Variants in GOLM1 observed in about 807,000 individuals in gnomAD.
GOLM1 encodes the protein golgi membrane protein 1.
GOLM1 carries 31 observed loss-of-function variants against 50.5 expected under a neutral mutation model. That is an observed-to-expected ratio of 0.61 (90% CI 0.46 to 0.83). The LOEUF is 0.83. GOLM1 is among the 40% of genes least tolerant of loss of function. The probability of loss-of-function intolerance (pLI) is 0.00; values close to 1 mark genes in which losing one functional copy is unlikely to be tolerated. For missense variants in GOLM1, 491 were observed against 501.3 expected (o/e 0.98, Z 0.20); for synonymous variants, 178 against 192.8 (o/e 0.92, Z 0.64).
At chr9:86,028,044 C>T in intron 9 of GOLM1, 151 bp from the exon 10 acceptor site, 1 of 593,340 alleles carries the variant, frequency 1.7e-6, no homozygotes, top group Non-Finnish European at 3.0e-6. Flanking sequence ...TATTCCTCAT[C>T]AAGGACAAGA....
intron 6 of GOLM1, among the ~76,000 whole-genome samples, chr9:86,039,157 A>G (rs941452429): frequency 6.6e-6 from 1 of 152,262 alleles, no homozygotes; most frequent in African/African-American, 2.4e-5. Context: ...CATTTCTTCA[A>G]AGAAGATATA....
chr9:86,073,080 TGAA>T (rs961024696), intron 3 of GOLM1, among the ~76,000 whole-genome samples: 51 of 152,292 alleles, frequency 3.3e-4, no homozygotes, highest in African/African-American at 1.2e-3. Flanking sequence ...ATCACTTCAC[TGAA>T]GAAGGGTAAA....
chr9:86,036,522 C>T lies in GOLM1; in HGVS notation c.598-15G>A, dbSNP rs1356284128. Reference sequence around the variant, plus strand: ...AGGGCTTGGAGCTGAAACAGAAGCACAGGACAGCCAGCCAGGGCAGGGCTC... The same window carrying T: ...AGGGCTTGGAGCTGAAACAGAAGCATAGGACAGCCAGCCAGGGCAGGGCTC... On this transcript the variant is annotated splice_polypyrimidine_tract_variant and intron_variant, in intron 6 of 9. Transcript: ENST00000388712. 6.2e-7 allele frequency: 1 copy of T among 1,612,560 alleles called. No homozygotes were observed. The highest frequency in any genetic ancestry group is 1.7e-5 in the Admixed American group (1 of 59,800).
chr9:86,040,267 T>C (rs1404736862), intron 6 of GOLM1, among the ~76,000 whole-genome samples: 1 of 152,206 alleles, frequency 6.6e-6, no homozygotes, highest in African/African-American at 2.4e-5. Context: ...AAAGCTGCTA[T>C]ATTTTTAAAA....
intron 1 of GOLM1, chr9:86,079,611 G>C (rs117425965): frequency 3.2e-6 from 1 of 307,838 alleles, no homozygotes. Context: ...AGATTAGCTC[G>C]AGACCTGGGG....
chr9:86,090,759 C>T (rs1477549180), intron 1 of GOLM1, among the ~76,000 whole-genome samples: 11 of 134,924 alleles, frequency 8.2e-5, no homozygotes, highest in African/African-American at 3.0e-4. Context: ...TTCTGTCTCG[C>T]TGGCGTTCCA....
At position 86,052,644 on chromosome 9, in the gene GOLM1, C is replaced by G. The variant is rs555962459; in HGVS notation, c.310-53G>C. ...CACCCAAACCAACACCTCAGCCTGA[C>G]AGCCAGATGTGATACAAACCAATGA... On this transcript the variant is annotated intron_variant, in intron 3 of 9. Transcript: ENST00000388712. 144 of 1,489,748 alleles carry G rather than the reference C, an allele frequency of 9.7e-5. 1 individual carries two copies. The East Asian group carries it at 1.8e-3, about 19-fold the overall frequency. The allele number at this position is 1,489,748 out of a possible 1,614,324, so 92.3% of individuals were successfully genotyped here. A position where few individuals can be genotyped will look rare whatever the true frequency, so the allele number is the denominator to read the frequency against.
chr9:86,029,395 T>A (rs1832899474), intron 9 of GOLM1, among the ~76,000 whole-genome samples: 1 of 152,194 alleles, frequency 6.6e-6, no homozygotes. Flanking sequence ...CTGAGAGCTG[T>A]CTGCAGCTTC....
chr9:86,036,333 C>T lies in GOLM1; in HGVS notation c.757+15G>A. On this transcript the variant is annotated intron_variant, in intron 7 of 9. Transcript: ENST00000388712. The stretch of plus-strand genomic sequence containing the variant: ...TGGAGAGCTGGGAACAGGGCAACTG[C>T]TGGGCTCTGCTTACCTTTCTCAACT... The T allele has an allele frequency of 1.2e-6, 2 of 1,614,048 alleles. No individual in the cohort carries two copies. Among genetic ancestry groups the T allele is most frequent in the Non-Finnish European group, 1.7e-6 (2 of 1,179,886 alleles).
In GOLM1 at chr9:86,032,773, C is replaced by T. The variant is rs1175162365; in HGVS notation, c.1129+509G>A. Among the ~76,000 whole-genome samples, 7 of 152,186 alleles carry T rather than the reference C, an allele frequency of 4.6e-5. No homozygotes were observed. In the South Asian group the frequency reaches 1.4e-3, roughly 32 times the overall value. On this transcript the variant is annotated intron_variant, in intron 9 of 9. Transcript: ENST00000388712. The stretch of plus-strand genomic sequence containing the variant: ...TGTAGGACCACCTGCTGTTATGCCT[C>T]CTGGGGAGAAGCAAGAATTCATCAG...
At chr9:86,079,085 C>A (rs1257523847) in intron 2 of GOLM1, 107 bp downstream of exon 2, 2 of 1,059,502 alleles carry the variant, frequency 1.9e-6, no homozygotes, top group East Asian at 2.6e-5. Context: ...GTGCCCTGCA[C>A]AAAACGCCCT....
rs188741318 is a variant in GOLM1, at chr9:86,037,778, C to A, written c.598-1271G>T. ...GGACAGGCTTGGGCAGACATCACCACGGGAACTGGTGTCAGGGTGGGAGAG... is the reference window on the plus strand; with the variant it reads ...GGACAGGCTTGGGCAGACATCACCAAGGGAACTGGTGTCAGGGTGGGAGAG... On this transcript the variant is annotated intron_variant, in intron 6 of 9. Transcript: ENST00000388712. 1.7e-3 allele frequency among the ~76,000 whole-genome samples: 255 copies of A among 152,270 alleles called. 1 individual carries two copies. The highest frequency in any genetic ancestry group is 4.0e-3 in the African/African-American group (165 of 41,544).
rs142507613 is a variant in GOLM1 at position 86,035,146 on chromosome 9, A to G, written c.1015+222T>C. ...GCAAGGTCCCCTCGACTCCCTGCCA[A>G]TATTGCATCTAAAACCTCGAGTTCT... On this transcript the variant is annotated intron_variant, in intron 8 of 9. Coordinates refer to ENST00000388712, the MANE Select transcript of GOLM1 (RefSeq NM_016548.4). 1.1e-3 allele frequency: 1,104 copies of G among 985,426 alleles called. 8 individuals carry two copies. In the African/African-American group the frequency reaches 0.018, roughly 16 times the overall value. The allele number at this position is 985,426 out of a possible 1,614,324, so 61.0% of individuals were successfully genotyped here.
intron 5 of GOLM1, among the ~76,000 whole-genome samples, chr9:86,044,228 C>A (rs368912662): frequency 6.6e-6 from 1 of 152,332 alleles, no homozygotes; most frequent in Non-Finnish European, 1.5e-5. Context: ...ACTGCCCCCA[C>A]GTGAGAACCA....
At chr9:86,031,133 C>T (rs2118613382) in intron 9 of GOLM1, among the ~76,000 whole-genome samples, 1 of 152,110 alleles carries the variant, frequency 6.6e-6, no homozygotes, top group Non-Finnish European at 1.5e-5. Flanking sequence ...TCGCTTGAAC[C>T]CGGGAGGCAG....
At position 86,042,903 on chromosome 9, in the gene GOLM1, T is replaced by C. The variant is rs374501481; in HGVS notation, c.468-2035A>G. On this transcript the variant is annotated intron_variant, in intron 5 of 9. Coordinates refer to ENST00000388712, the MANE Select transcript of GOLM1 (RefSeq NM_016548.4). The stretch of plus-strand genomic sequence containing the variant: ...GTCATGCAGATTGTGACAGTGTTTC[T>C]TCCTGAGGACTTAGGTTGGCTTTTT... Among the ~76,000 whole-genome samples, 187 of 152,352 alleles carry C rather than the reference T, an allele frequency of 1.2e-3. 4 individuals carry two copies. In the South Asian group the frequency reaches 0.033, roughly 26 times the overall value.
rs1386975142 is a variant in GOLM1, at chr9:86,033,365, T to C, written c.1046A>G (p.Asp349Gly). ...TTCATTTTCATCCATGTTGTAGTCA[T>C]CTTCTCCTCTCAGTTTCTGCTGGTT... is the stretch of plus-strand genomic sequence containing the variant. ...GRNQQKLRGE[D>G]DYNMDENEAE... is the part of the protein sequence containing the mutation. Residue 349 changes from aspartate (D) to glycine (G), a missense_variant, in exon 9 of 10, where the codon GAT becomes GGT. Transcript: ENST00000388712. 1.9e-6 allele frequency: 3 copies of C among 1,611,794 alleles called. No homozygotes were observed. Among genetic ancestry groups the C allele is most frequent in the Admixed American group, 1.7e-5 (1 of 60,020 alleles).
At chr9:86,053,590 ACCACTC>A (rs1833868940) in intron 3 of GOLM1, among the ~76,000 whole-genome samples, 4 of 1,194 alleles carry the variant, frequency 3.4e-3, no homozygotes, top group Admixed American at 9.4e-3. Flanking sequence ...CACACACCAC[ACCACTC>A]CACACACACA....
At chr9:86,065,142 C>T (rs533088069) in intron 3 of GOLM1, among the ~76,000 whole-genome samples, 531 of 152,286 alleles carry the variant, frequency 3.5e-3, no homozygotes, top group Middle Eastern at 6.8e-3. Flanking sequence ...AGGCCCTTCC[C>T]ACAGCTTACA....
Sources: gnomAD v4.1 joint callset for allele counts (sites outside exome capture counted in the v4.1 genomes callset) on GRCh38, gnomAD v4.1.1 for gene constraint, MANE v1.5 for transcripts, NCBI Gene and HGNC (gene_info 2026-07-23, HGNC 2026-07-21) for gene names.